The following RBMS3 variants were observed in gnomAD, a reference collection of about 807,000 sequenced individuals.
The protein encoded by RBMS3 is RNA binding motif single stranded interacting protein 3, also known as RNA-binding motif, single-stranded-interacting protein 3.
Under a neutral mutation model 66.8 loss-of-function variants are expected in RBMS3, and 27 were observed. The ratio of observed to expected loss-of-function variants is 0.40; its 90% confidence interval spans 0.30 to 0.56. RBMS3 has a LOEUF of 0.56. RBMS3 is among the 20% of genes least tolerant of loss of function. The pLI is 0.40. For missense variants in RBMS3, 513 were observed against 549.5 expected (o/e 0.93, Z 0.66); for synonymous variants, 188 against 183.0 (o/e 1.03, Z -0.22).
At chr3:29,448,524 G>C (rs1251515035) in intron 2 of RBMS3, among the ~76,000 whole-genome samples, 2 of 152,120 alleles carry the variant, frequency 1.3e-5, no homozygotes, top group Admixed American at 6.5e-5. Context: ...ACAACTTTAC[G>C]CTAAATCTGT....
intron 14 of RBMS3, among the ~76,000 whole-genome samples, chr3:30,003,257 A>T (rs1345185126): frequency 6.6e-6 from 1 of 152,032 alleles, no homozygotes; most frequent in African/African-American, 2.4e-5. Context: ...TAGTAAAATG[A>T]TATTTTTCTA....
chr3:29,794,441 C>A lies in RBMS3; in HGVS notation c.637+31452C>A, dbSNP rs567856194. Among the ~76,000 whole-genome samples the A allele has an allele frequency of 5.3e-5, 8 of 152,132 alleles. No homozygotes were observed. The East Asian group carries it at 1.5e-3, about 29-fold the overall frequency. ...CTCTACTAAAAATACAAAAAATTAG[C>A]CAGGCATGGTGGCGGGCGCCTGTAG... is the stretch of plus-strand genomic sequence containing the variant. On this transcript the variant is annotated intron_variant, in intron 6 of 14. Coordinates refer to ENST00000383767, the MANE Select transcript of RBMS3 (RefSeq NM_001003793.3).
intron 6 of RBMS3, among the ~76,000 whole-genome samples, chr3:29,798,617 G>A (rs915929257): frequency 1.3e-5 from 2 of 152,140 alleles, no homozygotes; most frequent in African/African-American, 4.8e-5. Context: ...TTGGAAATGT[G>A]CTAACACTGT....
At chr3:29,983,875 G>C (rs1698179769) in intron 12 of RBMS3, among the ~76,000 whole-genome samples, 1 of 152,072 alleles carries the variant, frequency 6.6e-6, no homozygotes, top group Non-Finnish European at 1.5e-5. Context: ...TGGTGAATCT[G>C]ATGAATATGT....
intron 5 of RBMS3, among the ~76,000 whole-genome samples, chr3:29,744,139 G>T (rs926345028): frequency 6.6e-6 from 1 of 151,938 alleles, no homozygotes; most frequent in African/African-American, 2.4e-5. Flanking sequence ...TCCTGTTGAT[G>T]CCTGATTTAC....
At chr3:29,851,579 G>A (rs1396796431) in intron 6 of RBMS3, among the ~76,000 whole-genome samples, 1 of 152,136 alleles carries the variant, frequency 6.6e-6, no homozygotes, top group Non-Finnish European at 1.5e-5. Flanking sequence ...AAACATGAAG[G>A]AAGCTTCATT....
chr3:29,600,250 G>A (rs977593877), intron 4 of RBMS3, among the ~76,000 whole-genome samples: 2 of 151,928 alleles, frequency 1.3e-5, no homozygotes, highest in African/African-American at 2.4e-5. Flanking sequence ...GCTGAAATTC[G>A]ATCCCCGTGT....
chr3:29,687,849 A>G (rs1437199028), intron 4 of RBMS3, among the ~76,000 whole-genome samples: 1 of 152,182 alleles, frequency 6.6e-6, no homozygotes, highest in Non-Finnish European at 1.5e-5. Flanking sequence ...AGTTGTAGCA[A>G]CTAGCTTCAA....
chr3:29,281,149 T>C lies in RBMS3; in HGVS notation c.-533T>C, dbSNP rs1575457395. On this transcript the variant is annotated 5_prime_UTR_variant, in exon 1 of 15. Coordinates refer to ENST00000383767, the MANE Select transcript of RBMS3 (RefSeq NM_001003793.3). ...TTTTTTTTTCTTCCTTTTTTTCTTT[T>C]TTTTTTTCTTTTTCCCCTTTCTTTT... is the stretch of plus-strand genomic sequence containing the variant. 1.3e-5 allele frequency: 2 copies of C among 149,580 alleles called. No homozygotes were observed. Among genetic ancestry groups the C allele is most frequent in the African/African-American group, 4.9e-5 (2 of 40,800 alleles). 9.3% of individuals were successfully genotyped at this position (149,580 alleles called of 1,614,324 possible). A position where few individuals can be genotyped will look rare whatever the true frequency, so the allele number is the denominator to read the frequency against.
intron 2 of RBMS3, among the ~76,000 whole-genome samples, chr3:29,444,589 A>G (rs1303147031): frequency 1.3e-5 from 2 of 151,904 alleles, no homozygotes; most frequent in Non-Finnish European, 2.9e-5. Flanking sequence ...ATTTAAAGAA[A>G]ACAGAATGAT....
chr3:29,412,592 A>G (rs2040311374), intron 1 of RBMS3, among the ~76,000 whole-genome samples: 1 of 152,216 alleles, frequency 6.6e-6, no homozygotes, highest in African/African-American at 2.4e-5. Context: ...CTTTTATGGT[A>G]AAATTCACCT....
chr3:29,628,080 T>C (rs909966641), intron 4 of RBMS3, among the ~76,000 whole-genome samples: 2 of 152,194 alleles, frequency 1.3e-5, no homozygotes, highest in African/African-American at 4.8e-5. Context: ...ATCAGTCAGA[T>C]ATAAAACAGA....
chr3:29,978,586 G>A (rs773246632), intron 12 of RBMS3, among the ~76,000 whole-genome samples: 1 of 151,652 alleles, frequency 6.6e-6, no homozygotes, highest in Non-Finnish European at 1.5e-5. Context: ...AAGTTACCAA[G>A]TATTTAAGGT....
intron 4 of RBMS3, among the ~76,000 whole-genome samples, chr3:29,737,754 A>G (rs1447499708): frequency 1.3e-5 from 2 of 151,958 alleles, no homozygotes; most frequent in Non-Finnish European, 2.9e-5. Context: ...AAAGAATAAT[A>G]ATATTATCTC....
At chr3:29,518,155 T>C (rs1288285956) in intron 3 of RBMS3, among the ~76,000 whole-genome samples, 1 of 152,234 alleles carries the variant, frequency 6.6e-6, no homozygotes, top group Non-Finnish European at 1.5e-5. Flanking sequence ...AGGTGCCTGA[T>C]ACTGTACTAA....
At position 29,316,569 on chromosome 3, in the gene RBMS3, A is replaced by G. The variant is rs2125479476; in HGVS notation, c.75+34813A>G. ...CCACTGTGCTCACTCTGCTCTATGT[A>G]ACATGAAAGCAAGCTTAGTGATACC... On this transcript the variant is annotated intron_variant, in intron 1 of 14. Coordinates refer to ENST00000383767, the MANE Select transcript of RBMS3 (RefSeq NM_001003793.3). 2.0e-5 allele frequency among the ~76,000 whole-genome samples: 3 copies of G among 151,836 alleles called. No individual in the cohort carries two copies. The South Asian group carries it at 6.2e-4, about 31-fold the overall frequency.
At chr3:29,661,159 AGC>A (rs2050530646) in intron 4 of RBMS3, among the ~76,000 whole-genome samples, 1 of 152,264 alleles carries the variant, frequency 6.6e-6, no homozygotes, top group Non-Finnish European at 1.5e-5. Context: ...TTATCATCCA[AGC>A]CTTCCCCTGG....
At chr3:29,725,526 A>G (rs2371812) in intron 4 of RBMS3, among the ~76,000 whole-genome samples, 13,313 of 151,988 alleles carry the variant, frequency 0.088, 1,041 homozygotes, top group African/African-American at 0.21. Flanking sequence ...CAATAAAAAT[A>G]ATAAAGGGGA....
intron 3 of RBMS3, among the ~76,000 whole-genome samples, chr3:29,531,730 T>C (rs1430171226): frequency 6.6e-6 from 1 of 152,214 alleles, no homozygotes. Context: ...ATCTGCAGGA[T>C]GTTTTCCTGG....
Sources: gnomAD v4.1 joint callset for allele counts (sites outside exome capture counted in the v4.1 genomes callset) on GRCh38, gnomAD v4.1.1 for gene constraint, MANE v1.5 for transcripts, NCBI Gene and HGNC (gene_info 2026-07-23, HGNC 2026-07-21) for gene names.